The following ZFAT variants were observed in gnomAD, a reference collection of about 807,000 sequenced individuals.
ZFAT encodes the protein zinc finger protein ZFAT.
Under a neutral mutation model 117.7 loss-of-function variants are expected in ZFAT, and 64 were observed. That is an observed-to-expected ratio of 0.54 (90% CI 0.44 to 0.67). ZFAT has a LOEUF of 0.67. Ranked by LOEUF, ZFAT falls within the 30% of genes least tolerant of loss-of-function variation. The pLI, the probability that ZFAT is intolerant of heterozygous loss-of-function variation, is 0.00. For synonymous variants in ZFAT, 679 were observed against 615.0 expected (o/e 1.10, Z -1.54); for missense variants, 1,433 against 1,584.5 (o/e 0.90, Z 1.62).
the ZFAT span, among the ~76,000 whole-genome samples, chr8:134,779,977 C>T: frequency 6.6e-6 from 1 of 152,146 alleles, no homozygotes; most frequent in African/African-American, 2.4e-5. Context: ...AATTCTACCT[C>T]CACTGTTTCT....
At position 134,549,208 on chromosome 8, in the gene ZFAT, G is replaced by A. The variant is rs149886090; in HGVS notation, c.2976+16125C>T. 5.9e-3 allele frequency among the ~76,000 whole-genome samples: 897 copies of A among 152,194 alleles called. 13 individuals are homozygous for A. Among genetic ancestry groups the A allele is most frequent in the African/African-American group, 0.02 (841 of 41,526 alleles). On this transcript the variant is annotated intron_variant, in intron 11 of 15. Coordinates refer to ENST00000377838, the MANE Select transcript of ZFAT (RefSeq NM_020863.4). ...TGTAATCCCAGCACTTTGGGAGGCC[G>A]AGGCAGGCGGATCACGAGGTCAAGA...
At chr8:134,767,804 G>A in the ZFAT span, among the ~76,000 whole-genome samples, 1 of 152,038 alleles carries the variant, frequency 6.6e-6, no homozygotes, top group Non-Finnish European at 1.5e-5. Context: ...TTTTTACTAT[G>A]TTGTAAATTT....
At chr8:134,682,289 T>G (rs1026698263) in intron 1 of ZFAT, among the ~76,000 whole-genome samples, 1 of 152,188 alleles carries the variant, frequency 6.6e-6, no homozygotes, top group African/African-American at 2.4e-5. Flanking sequence ...ATAAAAACGC[T>G]GCCAAATAAA....
In ZFAT at chr8:134,478,317, C is replaced by T. The variant is rs1817023370; in HGVS notation, c.*165G>A. 17 of 1,021,362 alleles carry T rather than the reference C, an allele frequency of 1.7e-5. No individual in the cohort carries two copies. In the South Asian group the frequency reaches 2.5e-4, roughly 15 times the overall value. 63.3% of individuals were successfully genotyped at this position (1,021,362 alleles called of 1,614,324 possible). On this transcript the variant is annotated 3_prime_UTR_variant, in exon 16 of 16. Transcript: ENST00000377838. The surrounding 1 kb of genome is among the most constrained non-coding windows in gnomAD (Gnocchi z 5.2). ...TGGTATTGCTGGTGATGCTGACTGC[C>T]TTGCCCACCCCAAGTTGGACTAGGA...
chr8:134,521,907 G>A (rs1820687977), intron 12 of ZFAT, among the ~76,000 whole-genome samples: 1 of 152,158 alleles, frequency 6.6e-6, no homozygotes, highest in Admixed American at 6.5e-5. Flanking sequence ...ACAGCTGTCT[G>A]GAACTGTGAG....
At chr8:134,653,256 C>T (rs1413663319) in intron 2 of ZFAT, among the ~76,000 whole-genome samples, 44 of 118,352 alleles carry the variant, frequency 3.7e-4, no homozygotes, top group African/African-American at 1.3e-3. Flanking sequence ...TGGAACCAAC[C>T]CAAATGTCTT....
intron 12 of ZFAT, among the ~76,000 whole-genome samples, chr8:134,526,055 G>T (rs1406509756): frequency 2.0e-5 from 3 of 152,022 alleles, no homozygotes; most frequent in African/African-American, 4.8e-5. Context: ...TGTTGTTGTT[G>T]TTGTTGTTAA....
At chr8:134,627,879 A>G (rs919503040) in intron 3 of ZFAT, among the ~76,000 whole-genome samples, 2 of 152,218 alleles carry the variant, frequency 1.3e-5, no homozygotes, top group African/African-American at 2.4e-5. Flanking sequence ...ACTTTGGTAA[A>G]GAAAAGAGAG....
At chr8:134,635,868 TC>T (rs1474554543) in intron 3 of ZFAT, among the ~76,000 whole-genome samples, 1 of 152,200 alleles carries the variant, frequency 6.6e-6, no homozygotes, top group Non-Finnish European at 1.5e-5. Context: ...CGATGCAGAT[TC>T]TTCTGAAATG....
chr8:134,737,107 C>T, the ZFAT span, among the ~76,000 whole-genome samples: 1 of 151,928 alleles, frequency 6.6e-6, no homozygotes, highest in African/African-American at 2.4e-5. Flanking sequence ...ATGGAGAAAC[C>T]CCGTCTCTAC....
the ZFAT span, chr8:134,796,620 A>C: frequency 6.6e-6 from 1 of 152,150 alleles, no homozygotes; most frequent in Non-Finnish European, 1.5e-5. Flanking sequence ...GTGTCACTTG[A>C]CAGACTTGTC....
chr8:134,519,750 G>C lies in ZFAT; in HGVS notation c.3234+1133C>G, dbSNP rs148344070. 1.1e-3 allele frequency among the ~76,000 whole-genome samples: 172 copies of C among 152,244 alleles called. 1 individual carries two copies. The highest frequency in any genetic ancestry group is 3.9e-3 in the African/African-American group (161 of 41,540). On this transcript the variant is annotated intron_variant, in intron 13 of 15. Transcript: ENST00000377838. The stretch of plus-strand genomic sequence containing the variant: ...AACAGCAGAGCCACCGGGCACTCTT[G>C]TCTGCTTCTGACTTCTGTGGAAACA...
intron 1 of ZFAT, chr8:134,673,514 T>G (rs1987027): frequency 0.35 from 73,696 of 211,830 alleles, 13,197 homozygotes; most frequent in South Asian, 0.44. Flanking sequence ...ACTTCAGCCA[T>G]AAACCTTATT....
the ZFAT span, among the ~76,000 whole-genome samples, chr8:134,730,182 C>T: frequency 1.3e-5 from 2 of 152,220 alleles, no homozygotes; most frequent in Non-Finnish European, 2.9e-5. Flanking sequence ...GAGGGTGAAG[C>T]CTGCACTCTC....
chr8:134,773,943 A>G, the ZFAT span, among the ~76,000 whole-genome samples: 4 of 151,294 alleles, frequency 2.6e-5, no homozygotes, highest in Non-Finnish European at 4.4e-5. Context: ...ATAATATTAC[A>G]TCAACTTGGT....
At chr8:134,738,248 C>A in the ZFAT span, among the ~76,000 whole-genome samples, 1 of 152,172 alleles carries the variant, frequency 6.6e-6, no homozygotes, top group Admixed American at 6.5e-5. Context: ...CTAGCCTCCT[C>A]TCTCAATATC....
At chr8:134,700,139 C>T (rs998676457) in intron 1 of ZFAT, among the ~76,000 whole-genome samples, 1 of 152,242 alleles carries the variant, frequency 6.6e-6, no homozygotes, top group Non-Finnish European at 1.5e-5. Flanking sequence ...TGTACCTCAC[C>T]TGATTTGGTT....
chr8:134,590,134 T>C, intron 8 of ZFAT, 134 bp downstream of exon 8: 1 of 638,020 alleles, frequency 1.6e-6, no homozygotes, highest in South Asian at 2.6e-5. Context: ...AATAAAGATG[T>C]TTGTTTCCCA....
the ZFAT span, among the ~76,000 whole-genome samples, chr8:134,779,415 G>A: frequency 4.6e-5 from 7 of 152,252 alleles, no homozygotes; most frequent in Admixed American, 1.3e-4. Context: ...ATGCAGAAAC[G>A]TACTTATTTC....
Sources: gnomAD v4.1 joint callset for allele counts (sites outside exome capture counted in the v4.1 genomes callset) on GRCh38, gnomAD v4.1.1 for gene constraint, Gnocchi (gnomAD v3.1) non-coding constraint, MANE v1.5 for transcripts, NCBI Gene and HGNC (gene_info 2026-07-23, HGNC 2026-07-21) for gene names.